The following MAPRE2 variants were observed in gnomAD, a reference collection of about 807,000 sequenced individuals.
MAPRE2 encodes the protein microtubule-associated protein RP/EB family member 2.
In MAPRE2, 13 loss-of-function variants were observed where a neutral mutation model predicts 43.2. The ratio of observed to expected loss-of-function variants is 0.30; its 90% CI spans 0.20 to 0.48. The LOEUF is 0.48. Ranked by LOEUF, MAPRE2 falls within the 20% of genes least tolerant of loss-of-function variation. The probability of loss-of-function intolerance (pLI) is 0.99; values close to 1 mark genes in which losing one functional copy is unlikely to be tolerated. For missense variants in MAPRE2, 161 were observed against 400.2 expected (o/e 0.40, Z 5.10); for synonymous variants, 135 against 148.8 (o/e 0.91, Z 0.68).
intron 1 of MAPRE2, among the ~76,000 whole-genome samples, chr18:34,992,317 G>A (rs1001186233): frequency 1.3e-5 from 2 of 152,170 alleles, no homozygotes; most frequent in African/African-American, 4.8e-5. Context: ...ACCCCTCTTA[G>A]TTCAAAGTCT....
chr18:34,981,878 T>TTTTA (rs1284159187), intron 1 of MAPRE2, among the ~76,000 whole-genome samples: 761 of 36,874 alleles, frequency 0.021, 12 homozygotes, highest in East Asian at 0.042. Context: ...TTTTTTTTTA[T>TTTTA]TTTTATTTAT....
intron 1 of MAPRE2, among the ~76,000 whole-genome samples, chr18:35,054,082 A>G (rs1167045269): frequency 6.6e-6 from 1 of 152,172 alleles, no homozygotes; most frequent in Non-Finnish European, 1.5e-5. Context: ...GAAGATCCCT[A>G]AACTTGATCT....
At chr18:34,998,256 C>T (rs112277877) in intron 1 of MAPRE2, among the ~76,000 whole-genome samples, 11 of 151,644 alleles carry the variant, frequency 7.3e-5, no homozygotes, top group Non-Finnish European at 1.6e-4. Context: ...AACTTATGGA[C>T]GGAGGCTATG....
At chr18:35,041,278 A>C, upstream of MAPRE2, 7 of 1,353,008 alleles carry the variant, frequency 5.2e-6, no homozygotes, top group Non-Finnish European at 5.7e-6. Flanking sequence ...CCCTGTGCGA[A>C]TTGAGGCGAG....
At chr18:35,117,322 G>A (rs936218778) in intron 4 of MAPRE2, among the ~76,000 whole-genome samples, 7 of 152,160 alleles carry the variant, frequency 4.6e-5, no homozygotes, top group African/African-American at 9.7e-5. Context: ...TCTCTTAGCC[G>A]GAGAGTCTGG....
At chr18:34,981,301 G>A (rs1281419851) in intron 1 of MAPRE2, among the ~76,000 whole-genome samples, 2 of 151,792 alleles carry the variant, frequency 1.3e-5, no homozygotes, top group Non-Finnish European at 2.9e-5. Context: ...TTGAATCTGG[G>A]GAGGCAACAG....
Position 35,101,948 on chromosome 18 carries a change from A to G in MAPRE2, c.399A>G (p.Val133=), listed in dbSNP as rs766450380. ...ASFKRMNVDK[V]IPVEKLVKGR... ...CACATAGTGATTTTTTATTGCAGGT[A>G]ATTCCAGTGGAGAAGCTAGTGAAAG... Residue 133 remains valine (V), a splice_region_variant and synonymous_variant, in exon 4 of 7, where the codon GTA becomes GTG. Transcript: ENST00000300249. The G allele has an allele frequency of 6.3e-7, 1 of 1,595,376 alleles. No homozygotes were observed. Among genetic ancestry groups the G allele is most frequent in the East Asian group, 2.3e-5 (1 of 44,444 alleles).
intron 2 of MAPRE2, among the ~76,000 whole-genome samples, chr18:35,023,471 C>T (rs2097043185): frequency 6.6e-6 from 1 of 151,608 alleles, no homozygotes; most frequent in African/African-American, 2.4e-5. Flanking sequence ...GAGATTGCGC[C>T]ACTGCACTCT....
chr18:35,092,057 A>G (rs1328238908), intron 2 of MAPRE2, among the ~76,000 whole-genome samples: 3 of 152,180 alleles, frequency 2.0e-5, no homozygotes, highest in African/African-American at 7.2e-5. Context: ...CACACTTGCT[A>G]CACACTTTTA....
chr18:35,062,868 A>G (rs550676385), intron 1 of MAPRE2, among the ~76,000 whole-genome samples: 2 of 152,296 alleles, frequency 1.3e-5, no homozygotes, highest in East Asian at 1.9e-4. Context: ...TCTCTCTTCT[A>G]GTCTGCTCGT....
intron 1 of MAPRE2, among the ~76,000 whole-genome samples, chr18:35,054,702 CT>C (rs368554107): frequency 6.6e-6 from 1 of 152,112 alleles, no homozygotes; most frequent in African/African-American, 2.4e-5. Context: ...TTGTTTGTTT[CT>C]TTTTTTTGAT....
intron 4 of MAPRE2, among the ~76,000 whole-genome samples, chr18:35,107,192 G>A: frequency 6.6e-6 from 1 of 152,120 alleles, no homozygotes; most frequent in Non-Finnish European, 1.5e-5. Context: ...CTTAAAATCA[G>A]ATTAATAGGA....
chr18:35,097,617 T>C lies in MAPRE2; in HGVS notation c.396+26T>C, dbSNP rs138990826. 3.8e-6 allele frequency: 6 copies of C among 1,589,588 alleles called. No individual in the cohort carries two copies. The African/African-American group carries it at 4.1e-5, about 11-fold the overall frequency. ...GTAGGAGACTTGTACCTCCATAAAA[T>C]GTGTTGTTTTTTCTTAAAATTGTTT... On this transcript the variant is annotated intron_variant, in intron 3 of 6. Coordinates refer to ENST00000300249, the MANE Select transcript of MAPRE2 (RefSeq NM_014268.4).
intron 1 of MAPRE2, among the ~76,000 whole-genome samples, chr18:34,980,144 GC>G (rs766435482): frequency 1.2e-4 from 17 of 147,570 alleles, no homozygotes; most frequent in Non-Finnish European, 2.4e-4. Context: ...TCCTGCCTCA[GC>G]CTCCTGAGTA....
intron 1 of MAPRE2, among the ~76,000 whole-genome samples, chr18:34,996,051 C>G (rs1435934792): frequency 6.6e-6 from 1 of 152,174 alleles, no homozygotes; most frequent in African/African-American, 2.4e-5. Flanking sequence ...AGTTAAAATG[C>G]TTGTTTTCCT....
At chr18:35,126,111 G>T (rs576340907) in intron 4 of MAPRE2, among the ~76,000 whole-genome samples, 1 of 152,260 alleles carries the variant, frequency 6.6e-6, no homozygotes, top group East Asian at 1.9e-4. Flanking sequence ...GGATTGAAAA[G>T]ATCTTTATAT....
At chr18:35,072,510 C>T (rs531607464) in intron 2 of MAPRE2, among the ~76,000 whole-genome samples, 1 of 152,172 alleles carries the variant, frequency 6.6e-6, no homozygotes, top group Non-Finnish European at 1.5e-5. Context: ...TAAAGGAAAC[C>T]ATGAGGAACT....
intron 1 of MAPRE2, among the ~76,000 whole-genome samples, chr18:35,049,410 G>C (rs1446915059): frequency 6.6e-6 from 1 of 152,064 alleles, no homozygotes; most frequent in African/African-American, 2.4e-5. Context: ...CCCACTCTTG[G>C]GTTTTACACA....
At chr18:35,078,437 C>T (rs1380966761) in intron 2 of MAPRE2, among the ~76,000 whole-genome samples, 3 of 152,158 alleles carry the variant, frequency 2.0e-5, no homozygotes, top group African/African-American at 7.2e-5. Context: ...TTATTTCTCT[C>T]TCTCTGCCAT....
Sources: gnomAD v4.1 joint callset for allele counts (sites outside exome capture counted in the v4.1 genomes callset) on GRCh38, gnomAD v4.1.1 for gene constraint, MANE v1.5 for transcripts, NCBI Gene and HGNC (gene_info 2026-07-23, HGNC 2026-07-21) for gene names.